The following SCN8A variants were observed in gnomAD, a reference collection of about 807,000 sequenced individuals.
SCN8A encodes the protein sodium voltage-gated channel alpha subunit 8.
In SCN8A, 30 loss-of-function variants were observed where a neutral mutation model predicts 184.1. The ratio of observed to expected loss-of-function variants is 0.16; its 90% CI spans 0.12 to 0.22. The LOEUF (loss-of-function observed/expected upper bound fraction) is 0.22. Ranked by LOEUF, SCN8A falls within the 10% of genes least tolerant of loss-of-function variation. SCN8A has a pLI of 1.00. For synonymous variants in SCN8A, 852 were observed against 907.0 expected (o/e 0.94, Z 1.09); for missense variants, 1,057 against 2,498.9 (o/e 0.42, Z 12.30).
In SCN8A at chr12:51,739,798, C is replaced by T. The variant is rs776439956; in HGVS notation, c.1999-6105C>T. Among the ~76,000 whole-genome samples the T allele has an allele frequency of 4.8e-4, 73 of 152,246 alleles. 1 individual carries two copies. Among genetic ancestry groups the T allele is most frequent in the Non-Finnish European group, 2.2e-4 (15 of 68,026 alleles). ...GGTCAGGGAGACCCTAACCCAGTGG[C>T]GCTAGAGGAATTAAAGACACACACA... On this transcript the variant is annotated intron_variant, in intron 12 of 26. Transcript: ENST00000627620.
chr12:51,614,176 C>T (rs979937332), intron 1 of SCN8A, among the ~76,000 whole-genome samples: 9 of 151,816 alleles, frequency 5.9e-5, no homozygotes, highest in African/African-American at 2.2e-4. Context: ...TCCATTTTAT[C>T]CTTAGTTTTG....
intron 1 of SCN8A, among the ~76,000 whole-genome samples, chr12:51,598,435 T>TTGC (rs1185904116): frequency 6.6e-6 from 1 of 152,180 alleles, no homozygotes; most frequent in Non-Finnish European, 1.5e-5. Context: ...TGCTAGAACT[T>TTGC]TGCTGCAAAT....
At chr12:51,768,785 A>G (rs1942876153) in intron 16 of SCN8A, 80 bp from the exon 17 acceptor site, 9 of 1,177,928 alleles carry the variant, frequency 7.6e-6, no homozygotes, top group South Asian at 1.7e-5. Flanking sequence ...CGTGAAGTCC[A>G]TTGGCTTCCA....
At chr12:51,793,964 G>A (rs1938338420) in intron 25 of SCN8A, among the ~76,000 whole-genome samples, 2 of 152,114 alleles carry the variant, frequency 1.3e-5, no homozygotes, top group African/African-American at 4.8e-5. Flanking sequence ...GGCCAATATA[G>A]CAAAACCCCG....
rs556886840 is a variant in SCN8A, at chr12:51,768,394, G to C, written c.2902-471G>C. On this transcript the variant is annotated intron_variant, in intron 16 of 26. Coordinates refer to ENST00000627620, the MANE Select transcript of SCN8A (RefSeq NM_001330260.2). ...ATATGATGACATGAAGTGTATTTCA[G>C]TTCTACCTTCTTGGTTTTTTGTATG... Among the ~76,000 whole-genome samples the C allele has an allele frequency of 1.1e-4, 17 of 152,212 alleles. 1 individual carries two copies. In the South Asian group the frequency reaches 3.5e-3, roughly 32 times the overall value.
chr12:51,631,238 C>G (rs1940190231), intron 1 of SCN8A, among the ~76,000 whole-genome samples: 1 of 152,152 alleles, frequency 6.6e-6, no homozygotes, highest in Non-Finnish European at 1.5e-5. Flanking sequence ...GGTCATTGCT[C>G]AGAGGCTGGC....
At position 51,807,221 on chromosome 12, in the gene SCN8A, G is replaced by A. The variant is rs764108136; in HGVS notation, c.5735G>A (p.Arg1912Lys). ...CGTGCCTACCGGGGACATTTGGCAA[G>A]GCGGGGCTTCATCTGCAAAAAGACA... is the stretch of plus-strand genomic sequence containing the variant. ...LQRAYRGHLA[R>K]RGFICKKTTS... Residue 1912 changes from arginine (R) to lysine (K), a missense_variant, in exon 27 of 27, where the codon AGG (arginine) becomes AAG (lysine). Coordinates refer to ENST00000627620, the MANE Select transcript of SCN8A (RefSeq NM_001330260.2). This position sits in a 1 kb window ranked among gnomAD's most constrained non-coding sequence, Gnocchi z 4.5. The A allele has an allele frequency of 5.6e-6, 9 of 1,613,880 alleles. No homozygotes were observed. In the African/African-American group the frequency reaches 9.3e-5, roughly 17 times the overall value.
chr12:51,740,974 C>T (rs1942413007), intron 12 of SCN8A, among the ~76,000 whole-genome samples: 1 of 152,086 alleles, frequency 6.6e-6, no homozygotes, highest in East Asian at 1.9e-4. Context: ...TTTGTAGAGA[C>T]AGAGTTTTGC....
At chr12:51,805,949 CT>C (rs1483296966) in intron 26 of SCN8A, among the ~76,000 whole-genome samples, 1 of 152,134 alleles carries the variant, frequency 6.6e-6, no homozygotes, top group African/African-American at 2.4e-5. Flanking sequence ...GTGCCTCTGC[CT>C]CCCAAGTAAC....
At chr12:51,777,001 G>A (rs1937724536) in intron 20 of SCN8A, among the ~76,000 whole-genome samples, 1 of 152,148 alleles carries the variant, frequency 6.6e-6, no homozygotes. Context: ...TCAGGTCCTT[G>A]GCTGCATTGG....
intron 26 of SCN8A, among the ~76,000 whole-genome samples, chr12:51,797,483 T>A (rs989412279): frequency 1.3e-5 from 2 of 152,224 alleles, no homozygotes; most frequent in African/African-American, 4.8e-5. Flanking sequence ...GATGACTACC[T>A]TCTACTACTC....
intron 25 of SCN8A, among the ~76,000 whole-genome samples, chr12:51,791,972 T>C (rs922876931): frequency 3.9e-5 from 6 of 152,192 alleles, no homozygotes; most frequent in Non-Finnish European, 8.8e-5. Flanking sequence ...CAGTCTTTAC[T>C]ATGTACCGTG....
intron 12 of SCN8A, among the ~76,000 whole-genome samples, chr12:51,736,939 C>T (rs1592135501): frequency 6.6e-6 from 1 of 152,172 alleles, no homozygotes; most frequent in African/African-American, 2.4e-5. Flanking sequence ...TTTACCATTA[C>T]GAGACCCATC....
rs570721640 is a variant in SCN8A, at chr12:51,714,492, G to A, written c.1636-7054G>A. On this transcript the variant is annotated intron_variant, in intron 11 of 26. Transcript: ENST00000627620. ...TGTCAGGCTCACAGTGTCACTGTGT[G>A]CTTATGAGAAGATGAGTGATAAAAG... Among the ~76,000 whole-genome samples, 3 of 152,320 alleles carry A rather than the reference G, an allele frequency of 2.0e-5. No homozygotes were observed. The East Asian group carries it at 5.8e-4, about 29-fold the overall frequency.
At chr12:51,799,038 G>GTC (rs2138927863) in intron 26 of SCN8A, among the ~76,000 whole-genome samples, 1 of 152,332 alleles carries the variant, frequency 6.6e-6, no homozygotes, top group South Asian at 2.1e-4. Flanking sequence ...CTAGAAAGGG[G>GTC]CTATAGTGCT....
intron 20 of SCN8A, among the ~76,000 whole-genome samples, chr12:51,777,787 A>G (rs1937753734): frequency 6.6e-6 from 1 of 152,162 alleles, no homozygotes; most frequent in Non-Finnish European, 1.5e-5. Flanking sequence ...CTTACCTTAT[A>G]TGGTGCCTAT....
chr12:51,762,646 G>A lies in SCN8A; in HGVS notation c.2514G>A (p.Glu838=). ...SLMELSLADV[E]GLSVLRSFRL... is the part of the protein sequence containing the mutation. ...TGGAACTGAGTCTAGCAGACGTGGA[G>A]GGGCTTTCAGTGCTGCGATCTTTCC... The change falls in exon 15 of 27, where the codon GAG becomes GAA. Residue 838 remains glutamate, a synonymous_variant. Transcript: ENST00000627620. 6.2e-7 allele frequency: 1 copy of A among 1,602,608 alleles called. No individual in the cohort carries two copies. Among genetic ancestry groups the A allele is most frequent in the Non-Finnish European group, 8.5e-7 (1 of 1,176,872 alleles).
At chr12:51,688,314 C>T (rs576667282) in intron 5 of SCN8A, among the ~76,000 whole-genome samples, 1 of 152,334 alleles carries the variant, frequency 6.6e-6, no homozygotes, top group South Asian at 2.1e-4. Context: ...GTCATATATA[C>T]AGACATTTAG....
chr12:51,673,241 T>A (rs1941163470), intron 2 of SCN8A, among the ~76,000 whole-genome samples: 1 of 152,238 alleles, frequency 6.6e-6, no homozygotes, highest in Non-Finnish European at 1.5e-5. Context: ...GCATTTACAT[T>A]GTATTAAGTA....
Sources: gnomAD v4.1 joint callset for allele counts (sites outside exome capture counted in the v4.1 genomes callset) on GRCh38, gnomAD v4.1.1 for gene constraint, Gnocchi (gnomAD v3.1) non-coding constraint, MANE v1.5 for transcripts, NCBI Gene and HGNC (gene_info 2026-07-23, HGNC 2026-07-21) for gene names.